Variants in HMG20B observed in about 807,000 individuals in gnomAD.
The protein encoded by HMG20B is SWI/SNF-related matrix-associated actin-dependent regulator of chromatin subfamily E member 1-related.
In HMG20B, 24 loss-of-function variants were observed where a neutral mutation model predicts 41.6. The ratio of observed to expected loss-of-function variants is 0.58; its 90% CI spans 0.42 to 0.81. The LOEUF (loss-of-function observed/expected upper bound fraction) is 0.81, where lower values mean the gene tolerates loss of function less well. HMG20B is among the 30% of genes least tolerant of loss of function. The pLI, the probability that HMG20B is intolerant of heterozygous loss-of-function variation, is 0.00. For missense variants in HMG20B, 461 were observed against 444.0 expected (o/e 1.04, Z -0.34); for synonymous variants, 251 against 186.6 (o/e 1.34, Z -2.81).
At chr19:3,574,295 C>A in intron 3 of HMG20B, 88 bp from the exon 4 acceptor site, 1 of 1,038,898 alleles carries the variant, frequency 9.6e-7, no homozygotes, top group Non-Finnish European at 1.4e-6. Context: ...CCATCCCCGC[C>A]CATACGCGTT....
chr19:3,577,788 C>CA (rs1052143482), intron 8 of HMG20B, among the ~76,000 whole-genome samples, 193 bp from the exon 9 acceptor site: 1 of 151,510 alleles, frequency 6.6e-6, no homozygotes, highest in Admixed American at 6.6e-5. Flanking sequence ...CCCGCGTCCC[C>CA]ACCCTGTCCC....
chr19:3,577,268 AC>A (rs1568273232), intron 8 of HMG20B, 161 bp downstream of exon 8: 5 of 553,150 alleles, frequency 9.0e-6, no homozygotes, highest in South Asian at 4.4e-5. Flanking sequence ...CGCCCTCATC[AC>A]CCCCAGCTCC....
chr19:3,573,400 C>A, intron 2 of HMG20B, 53 bp downstream of exon 2: 1 of 1,476,828 alleles, frequency 6.8e-7, no homozygotes, highest in Non-Finnish European at 9.0e-7. Flanking sequence ...GGCTGCAGCC[C>A]TAGCTCCTGA....
rs1046228927 is a variant in HMG20B at position 3,577,039 on chromosome 19, C to G, written c.740C>G (p.Ala247Gly). 1.9e-6 allele frequency: 3 copies of G among 1,548,856 alleles called. No homozygotes were observed. The African/African-American group carries it at 4.1e-5, about 21-fold the overall frequency. ...ELALEERRTL[A>G]LQQQLQAVRQ... ...GCGCTGGAGGAGCGGAGGACGCTGGCGCTGCAGCAGCAGCTCCAGGCCGTG... is the reference window on the plus strand; with the variant it reads ...GCGCTGGAGGAGCGGAGGACGCTGGGGCTGCAGCAGCAGCTCCAGGCCGTG... Residue 247 changes from alanine to glycine, a missense_variant, in exon 8 of 10, where the codon GCG becomes GGG. Ala to Gly is a moderately conservative substitution (Grantham distance 60, BLOSUM62 0). Coordinates refer to ENST00000333651, the MANE Select transcript of HMG20B (RefSeq NM_006339.3).
chr19:3,577,181 C>G (rs906618818), intron 8 of HMG20B, 74 bp downstream of exon 8: 30 of 1,089,552 alleles, frequency 2.8e-5, no homozygotes, highest in African/African-American at 2.2e-4. Flanking sequence ...CTCCTCCCTT[C>G]CCCCCTTCCC....
intron 5 of HMG20B, 74 bp from the exon 6 acceptor site, chr19:3,576,187 G>A: frequency 2.2e-6 from 3 of 1,382,672 alleles, no homozygotes; most frequent in Non-Finnish European, 3.1e-6. Context: ...CGGCTGAGCA[G>A]CGCTGACCTA....
intron 6 of HMG20B, 85 bp from the exon 7 acceptor site, chr19:3,576,468 G>A: frequency 7.1e-7 from 1 of 1,403,406 alleles, no homozygotes; most frequent in Middle Eastern, 1.8e-4. Flanking sequence ...GGTGTCCCAG[G>A]AGACCCTCCT....
At chr19:3,574,296 C>CCA in intron 3 of HMG20B, 87 bp from the exon 4 acceptor site, 1 of 1,057,548 alleles carries the variant, frequency 9.5e-7, no homozygotes. Flanking sequence ...CATCCCCGCC[C>CCA]ATACGCGTTA....
chr19:3,578,804 T>A lies in HMG20B; in HGVS notation c.*283T>A. On this transcript the variant is annotated 3_prime_UTR_variant, in exon 10 of 10. Coordinates refer to ENST00000333651, the MANE Select transcript of HMG20B (RefSeq NM_006339.3). ...GGACAGCCACGCGCTACACTGGCTC[T>A]CCGGGCCACCCCCAGGACACAGGGC... 1.4e-6 allele frequency: 1 copy of A among 710,852 alleles called. No homozygotes were observed. Among genetic ancestry groups the A allele is most frequent in the Non-Finnish European group, 2.6e-6 (1 of 387,824 alleles). 44.0% of individuals were successfully genotyped at this position (710,852 alleles called of 1,614,324 possible).
At chr19:3,576,861 G>A (rs1203990653) in intron 7 of HMG20B, 31 bp from the exon 8 acceptor site, 2 of 1,549,662 alleles carry the variant, frequency 1.3e-6, no homozygotes, top group Non-Finnish European at 1.7e-6. Context: ...AAGGGGAGGC[G>A]CAGGCTTTGA....
At chr19:3,575,414 C>T (rs2032135462) in intron 4 of HMG20B, 126 bp from the exon 5 acceptor site, 1 of 1,457,934 alleles carries the variant, frequency 6.9e-7, no homozygotes, top group Non-Finnish European at 9.1e-7. Flanking sequence ...TTCTGTCTGC[C>T]TGGAGGGAAT....
chr19:3,577,168 C>G lies in HMG20B; in HGVS notation c.808+61C>G, dbSNP rs1481815385. On this transcript the variant is annotated intron_variant, in intron 8 of 9. Coordinates refer to ENST00000333651, the MANE Select transcript of HMG20B (RefSeq NM_006339.3). ...TCACCCGGCCCCGCCCGCCTCCCCC[C>G]CCCTCCTCCCTTCCCCCCTTCCCCT... is the stretch of plus-strand genomic sequence containing the variant. 3.4e-6 allele frequency: 4 copies of G among 1,172,576 alleles called. No homozygotes were observed. In the Admixed American group the frequency reaches 8.7e-5, roughly 26 times the overall value. The allele number at this position is 1,172,576 out of a possible 1,614,324, so 72.6% of individuals were successfully genotyped here. A position where few individuals can be genotyped will look rare whatever the true frequency, so the allele number is the denominator to read the frequency against.
At chr19:3,576,008 C>G in intron 5 of HMG20B, 1 of 582,096 alleles carries the variant, frequency 1.7e-6, no homozygotes, top group Non-Finnish European at 3.1e-6. Context: ...CAGTTGGGGT[C>G]CTGCTCTGTG....
intron 9 of HMG20B, 134 bp downstream of exon 9, chr19:3,578,247 C>T (rs778177697): frequency 2.2e-5 from 29 of 1,311,284 alleles, no homozygotes; most frequent in Non-Finnish European, 2.8e-5. Context: ...GAGGGGCCTA[C>T]CTGCGGTCGC....
chr19:3,576,207 G>T, intron 5 of HMG20B, 54 bp from the exon 6 acceptor site: 3 of 1,549,778 alleles, frequency 1.9e-6, no homozygotes, highest in Non-Finnish European at 2.7e-6. Context: ...AGGGTGCAGG[G>T]CGTGGTCCCT....
Position 3,578,050 on chromosome 19 carries a change from G to A in HMG20B, c.878G>A (p.Arg293His), listed in dbSNP as rs766920479. 2.2e-5 allele frequency: 35 copies of A among 1,610,712 alleles called. No homozygotes were observed. Among genetic ancestry groups the A allele is most frequent in the Non-Finnish European group, 2.9e-5 (34 of 1,179,320 alleles). Residue 293 changes from arginine (R) to histidine (H), a missense_variant, in exon 9 of 10, where the codon CGC becomes CAC. Physicochemically the swap from Arg to His is conservative, Grantham distance 29 (BLOSUM62 0). This residue lies in a region of HMG20B where 308 missense variants were observed against 283.4 expected (regional missense o/e 1.09). Transcript: ENST00000333651. ...YMARLHGAIERDPAQHEKLIV... is the reference protein window; with the variant it reads ...YMARLHGAIEHDPAQHEKLIV... The stretch of plus-strand genomic sequence containing the variant: ...GCCCGGCTTCACGGAGCCATCGAGC[G>A]CGACCCCGCCCAGCACGAGAAGCTC...
In HMG20B at chr19:3,576,280, C is replaced by G. The variant is rs776874277; in HGVS notation, c.492C>G (p.Leu164=). Residue 164 remains leucine (L), a synonymous_variant, in exon 6 of 10, where the codon CTC becomes CTG. Transcript: ENST00000333651. ...KIKKEDSSSG[L]MNTLLNGHKG... ...CGCCAGAAGACTCGAGCTCTGGGCT[C>G]ATGAACACTCTCCTGAATGGACACA... The G allele has an allele frequency of 1.2e-6, 2 of 1,613,724 alleles. No individual in the cohort carries two copies. The highest frequency in any genetic ancestry group is 1.7e-6 in the Non-Finnish European group (2 of 1,179,820).
chr19:3,576,349 G>T (rs758692175), intron 6 of HMG20B, 42 bp downstream of exon 6: 3 of 1,597,272 alleles, frequency 1.9e-6, no homozygotes, highest in South Asian at 2.2e-5. Flanking sequence ...GGGGAGAAAG[G>T]TCTGGAGGCT....
At chr19:3,575,181 G>T (rs1403956539) in intron 4 of HMG20B, among the ~76,000 whole-genome samples, 1 of 152,186 alleles carries the variant, frequency 6.6e-6, no homozygotes, top group Admixed American at 6.5e-5. Flanking sequence ...TCACGGAAAT[G>T]TAACAAAAGC....
Sources: gnomAD v4.1 joint callset for allele counts (sites outside exome capture counted in the v4.1 genomes callset) on GRCh38, gnomAD v4.1.1 for gene constraint, gnomAD v4.1.1 regional missense constraint, MANE v1.5 for transcripts, NCBI Gene and HGNC (gene_info 2026-07-23, HGNC 2026-07-21) for gene names.